CACNA2D3: variants seen among roughly 807,000 people sequenced by gnomAD.
The protein encoded by CACNA2D3 is calcium voltage-gated channel auxiliary subunit alpha2delta 3, also known as voltage-dependent calcium channel subunit alpha-2/delta-3.
CACNA2D3 carries 60 observed loss-of-function variants against 160.6 expected under a neutral mutation model. The observed-to-expected ratio is 0.37, with a 90% CI of 0.30 to 0.46. The LOEUF (loss-of-function observed/expected upper bound fraction) is 0.46, where lower values mean the gene tolerates loss of function less well. CACNA2D3 is among the 20% of genes least tolerant of loss of function. The pLI is 1.00. For synonymous variants in CACNA2D3, 558 were observed against 492.9 expected, an observed-to-expected ratio of 1.13 and a Z score of -1.75; for missense variants, 1,205 against 1,365.0, an observed-to-expected ratio of 0.88 and a Z score of 1.85.
chr3:54,255,517 C>T (rs767075668), intron 2 of CACNA2D3, among the ~76,000 whole-genome samples: 5 of 152,168 alleles, frequency 3.3e-5, no homozygotes, highest in Non-Finnish European at 7.3e-5. Flanking sequence ...ATCATCTCTC[C>T]TCTGAGTGAT....
chr3:54,921,243 C>T (rs2106930846), intron 27 of CACNA2D3, among the ~76,000 whole-genome samples: 1 of 152,286 alleles, frequency 6.6e-6, no homozygotes, highest in South Asian at 2.1e-4. Context: ...CATTACGTAG[C>T]TGTGCAGCCG....
intron 12 of CACNA2D3, among the ~76,000 whole-genome samples, chr3:54,757,644 A>T (rs1298694298): frequency 1.3e-5 from 2 of 152,218 alleles, no homozygotes; most frequent in Non-Finnish European, 2.9e-5. Flanking sequence ...GAAGATGGTG[A>T]TGCTTGCTGT....
At chr3:54,536,996 C>T (rs888443719) in intron 5 of CACNA2D3, among the ~76,000 whole-genome samples, 9 of 152,100 alleles carry the variant, frequency 5.9e-5, no homozygotes, top group African/African-American at 1.7e-4. Context: ...AATAAATGCT[C>T]GATAAATGGC....
intron 13 of CACNA2D3, among the ~76,000 whole-genome samples, chr3:54,811,076 T>TA (rs1321128449): frequency 6.6e-6 from 1 of 152,152 alleles, no homozygotes; most frequent in African/African-American, 2.4e-5. Flanking sequence ...ACCCCTTCGG[T>TA]AACCTCATCT....
At chr3:55,044,171 G>A (rs1424820392) in intron 35 of CACNA2D3, among the ~76,000 whole-genome samples, 1 of 152,144 alleles carries the variant, frequency 6.6e-6, no homozygotes, top group South Asian at 2.1e-4. Context: ...GTTTGAAACT[G>A]GGTTGATTAT....
chr3:54,984,464 G>A (rs1702572296), intron 29 of CACNA2D3, 144 bp from the exon 30 acceptor site: 2 of 637,242 alleles, frequency 3.1e-6, no homozygotes, highest in East Asian at 5.7e-5. Context: ...AGAACCAGCA[G>A]GCTTTTGCAA....
At chr3:54,208,474 C>T (rs1701312080) in intron 2 of CACNA2D3, among the ~76,000 whole-genome samples, 1 of 152,172 alleles carries the variant, frequency 6.6e-6, no homozygotes, top group Non-Finnish European at 1.5e-5. Flanking sequence ...TCCAATAGCC[C>T]TGGGCTGGAA....
In CACNA2D3 at chr3:54,220,914, A is replaced by AC. The variant is rs879651557; in HGVS notation, c.204+97323dup. ...TGGCTTCCTGCCTTTCCTGCTGCTG[A>AC]CCCTAGGCTCATCTAAGATGCTGAG... On this transcript the variant is annotated intron_variant, in intron 2 of 37. Transcript: ENST00000474759. 5.3e-4 allele frequency among the ~76,000 whole-genome samples: 80 copies of AC among 152,054 alleles called. 1 individual carries two copies. The highest frequency in any genetic ancestry group is 2.3e-3 in the Admixed American group (35 of 15,278).
intron 20 of CACNA2D3, 46 bp from the exon 21 acceptor site, chr3:54,880,750 G>A (rs757790011): frequency 1.3e-5 from 19 of 1,481,232 alleles, no homozygotes; most frequent in Admixed American, 3.4e-5. Flanking sequence ...AAGTCTATTC[G>A]AGTCGATGCC....
chr3:54,976,537 A>AT (rs1702395824), intron 29 of CACNA2D3, among the ~76,000 whole-genome samples: 1 of 152,168 alleles, frequency 6.6e-6, no homozygotes, highest in African/African-American at 2.4e-5. Flanking sequence ...CAAGAGAAAA[A>AT]TTCCCTGCTT....
intron 4 of CACNA2D3, among the ~76,000 whole-genome samples, chr3:54,422,264 G>T (rs866046684): frequency 6.6e-6 from 1 of 152,166 alleles, no homozygotes; most frequent in African/African-American, 2.4e-5. Flanking sequence ...TTTTCAAAAG[G>T]TAACAGCAAT....
At position 54,764,202 on chromosome 3, in the gene CACNA2D3, C is replaced by T. The variant is rs1042275936; in HGVS notation, c.1247-16C>T. On this transcript the variant is annotated splice_polypyrimidine_tract_variant and intron_variant, in intron 12 of 37. Coordinates refer to ENST00000474759, the MANE Select transcript of CACNA2D3 (RefSeq NM_018398.3). ...CTGTCTGTTACTAAACTTGGCCCTC[C>T]CTTGGGTTTTGACAGGATTTTTTAC... The T allele has an allele frequency of 1.2e-6, 2 of 1,613,294 alleles. No homozygotes were observed. Among genetic ancestry groups the T allele is most frequent in the African/African-American group, 2.7e-5 (2 of 74,866 alleles).
chr3:54,467,152 CA>C (rs1423684257), intron 4 of CACNA2D3, among the ~76,000 whole-genome samples: 2 of 152,138 alleles, frequency 1.3e-5, no homozygotes, highest in African/African-American at 4.8e-5. Context: ...ATCATTGCGT[CA>C]GATGATTTGT....
chr3:54,351,346 C>CAA (rs1698562137), intron 3 of CACNA2D3, among the ~76,000 whole-genome samples: 1 of 152,052 alleles, frequency 6.6e-6, no homozygotes, highest in South Asian at 2.1e-4. Flanking sequence ...TGGCTTCCTG[C>CAA]TGCTGCTTGC....
Position 54,673,937 on chromosome 3 carries a change from G to A in CACNA2D3, c.1167+31696G>A, listed in dbSNP as rs75033821. On this transcript the variant is annotated intron_variant, in intron 11 of 37. Transcript: ENST00000474759. Reference sequence around the variant, plus strand: ...CCTAAGAGGCAGAAGAAAGCCTCATGTGTCTCTAGACTTAAACCGCCGGCA... The same window carrying A: ...CCTAAGAGGCAGAAGAAAGCCTCATATGTCTCTAGACTTAAACCGCCGGCA... Among the ~76,000 whole-genome samples the A allele has an allele frequency of 5.3e-4, 81 of 152,302 alleles. No individual in the cohort carries two copies. In the East Asian group the frequency reaches 9.1e-3, roughly 17 times the overall value.
intron 2 of CACNA2D3, among the ~76,000 whole-genome samples, chr3:54,285,366 G>A (rs1436445748): frequency 7.9e-5 from 12 of 152,234 alleles, no homozygotes; most frequent in Admixed American, 5.9e-4. Context: ...CTGCAAGGCG[G>A]CAGCGAGGCT....
chr3:54,175,924 T>C (rs990472843), intron 2 of CACNA2D3, among the ~76,000 whole-genome samples: 3 of 152,198 alleles, frequency 2.0e-5, no homozygotes, highest in South Asian at 2.1e-4. Flanking sequence ...TTGTTTGATA[T>C]AAAAGTCTGT....
chr3:54,937,184 G>A (rs563159329), intron 27 of CACNA2D3, among the ~76,000 whole-genome samples: 3 of 152,276 alleles, frequency 2.0e-5, no homozygotes, highest in East Asian at 1.9e-4. Flanking sequence ...CCCTTTGTGT[G>A]TATTCTTTCT....
At chr3:54,710,731 T>G (rs1700938127) in intron 11 of CACNA2D3, among the ~76,000 whole-genome samples, 1 of 152,214 alleles carries the variant, frequency 6.6e-6, no homozygotes, top group African/African-American at 2.4e-5. Flanking sequence ...ATAGAAATGA[T>G]TTTTAACTGG....
Sources: allele counts gnomAD v4.1 joint callset (sites outside exome capture counted in the v4.1 genomes callset), GRCh38; gene constraint gnomAD v4.1.1; transcripts MANE v1.5; gene names NCBI Gene and HGNC (gene_info 2026-07-23, HGNC 2026-07-21).